EDIL3: variants seen among roughly 807,000 people sequenced by gnomAD.
EDIL3 encodes the protein EGF-like repeat and discoidin I-like domain-containing protein 3.
A neutral mutation model predicts 67.4 loss-of-function variants in EDIL3; 37 were observed. The ratio of observed to expected loss-of-function variants is 0.55; its 90% CI spans 0.42 to 0.72. The LOEUF is 0.72. Ranked by LOEUF, EDIL3 falls within the 30% of genes least tolerant of loss-of-function variation. The pLI is 0.00. For synonymous variants in EDIL3, 195 were observed against 196.3 expected, an observed-to-expected ratio of 0.99 and a Z score of 0.05; for missense variants, 527 against 586.3, an observed-to-expected ratio of 0.90 and a Z score of 1.04.
intron 1 of EDIL3, among the ~76,000 whole-genome samples, chr5:84,333,775 A>T (rs755505440): frequency 6.6e-6 from 1 of 152,184 alleles, no homozygotes; most frequent in African/African-American, 2.4e-5. Flanking sequence ...CTTTCTCCTA[A>T]AGCATATAAT....
intron 1 of EDIL3, among the ~76,000 whole-genome samples, chr5:84,309,830 G>C (rs1746349512): frequency 6.6e-6 from 1 of 152,188 alleles, no homozygotes; most frequent in Non-Finnish European, 1.5e-5. Context: ...ATAGCAGCAT[G>C]ATTTATAGTC....
chr5:84,029,774 A>C (rs541968849), intron 9 of EDIL3, among the ~76,000 whole-genome samples: 9 of 152,144 alleles, frequency 5.9e-5, no homozygotes, highest in Admixed American at 1.3e-4. Context: ...CTCACAGGGC[A>C]CTCTACTCAA....
At chr5:84,067,193 T>C (rs574872704) in intron 6 of EDIL3, among the ~76,000 whole-genome samples, 7 of 152,298 alleles carry the variant, frequency 4.6e-5, no homozygotes, top group Middle Eastern at 3.4e-3. Context: ...AAATGATTGC[T>C]TTTTTCTTCA....
At chr5:83,963,139 C>T in intron 10 of EDIL3, 66 bp downstream of exon 10, 1 of 1,502,226 alleles carries the variant, frequency 6.7e-7, no homozygotes, top group Non-Finnish European at 8.9e-7. Context: ...GCAGTTAATT[C>T]AATCAAACTT....
chr5:84,343,944 T>C (rs41509548), intron 1 of EDIL3, among the ~76,000 whole-genome samples: 65,044 of 151,934 alleles, frequency 0.43, 14,182 homozygotes, highest in Middle Eastern at 0.5. Context: ...GAGTTCCCAT[T>C]AGGATTTTGA....
At chr5:84,333,628 T>A (rs1369669349) in intron 1 of EDIL3, among the ~76,000 whole-genome samples, 1 of 152,150 alleles carries the variant, frequency 6.6e-6, no homozygotes, top group Non-Finnish European at 1.5e-5. Flanking sequence ...TTTGGAAGCA[T>A]ACACTTTTCA....
intron 9 of EDIL3, among the ~76,000 whole-genome samples, chr5:84,008,135 G>T (rs1478332702): frequency 6.6e-6 from 1 of 152,210 alleles, no homozygotes; most frequent in Non-Finnish European, 1.5e-5. Flanking sequence ...GGCTGGAAAG[G>T]GTAGTAGGGG....
At chr5:84,066,753 G>A (rs1412404619) in intron 6 of EDIL3, 147 bp from the exon 7 acceptor site, 2 of 1,048,400 alleles carry the variant, frequency 1.9e-6, no homozygotes, top group Admixed American at 3.4e-5. Context: ...GTTTACAATA[G>A]GCATATATTA....
intron 3 of EDIL3, among the ~76,000 whole-genome samples, chr5:84,217,449 A>G (rs1317486610): frequency 6.6e-6 from 1 of 152,142 alleles, no homozygotes; most frequent in East Asian, 1.9e-4. Context: ...CTGTGAACAT[A>G]TTTTGTCGAT....
At chr5:84,253,451 T>G (rs1745071632) in intron 2 of EDIL3, among the ~76,000 whole-genome samples, 2 of 152,210 alleles carry the variant, frequency 1.3e-5, no homozygotes, top group African/African-American at 4.8e-5. Flanking sequence ...GCTATTTCCT[T>G]AATGGGGACC....
chr5:84,156,186 G>T (rs779916397), intron 4 of EDIL3, among the ~76,000 whole-genome samples: 3 of 152,134 alleles, frequency 2.0e-5, no homozygotes, highest in Non-Finnish European at 4.4e-5. Context: ...TAGTCTTCTA[G>T]GTTTAGCCTT....
At chr5:84,020,058 C>T (rs1431694426) in intron 9 of EDIL3, among the ~76,000 whole-genome samples, 1 of 108,756 alleles carries the variant, frequency 9.2e-6, no homozygotes. Flanking sequence ...TGCATTAAGA[C>T]GTAGATTATC....
intron 1 of EDIL3, among the ~76,000 whole-genome samples, chr5:84,352,624 T>G (rs889928565): frequency 7.9e-5 from 12 of 151,864 alleles, no homozygotes; most frequent in African/African-American, 2.9e-4. Flanking sequence ...ATAATAGATA[T>G]TAGAGATTCC....
At chr5:84,245,150 A>C (rs1478357113) in intron 2 of EDIL3, among the ~76,000 whole-genome samples, 1 of 151,858 alleles carries the variant, frequency 6.6e-6, no homozygotes, top group Admixed American at 6.6e-5. Flanking sequence ...TAAACTCTTC[A>C]CTCTTCTTTA....
rs528363441 is a variant in EDIL3, at chr5:84,316,451, G to T, written c.68-62239C>A. On this transcript the variant is annotated intron_variant, in intron 1 of 10. Coordinates refer to ENST00000296591, the MANE Select transcript of EDIL3 (RefSeq NM_005711.5). ...CAAATGAAAAGCAAAAAAAGCGGGG[G>T]TTGCAATCCTAGTCTCTGATAAAAC... 5.3e-5 allele frequency among the ~76,000 whole-genome samples: 8 copies of T among 152,220 alleles called. No homozygotes were observed. In the East Asian group the frequency reaches 7.7e-4, roughly 15 times the overall value.
At chr5:84,113,919 G>A (rs1161872302) in intron 5 of EDIL3, among the ~76,000 whole-genome samples, 1 of 152,142 alleles carries the variant, frequency 6.6e-6, no homozygotes, top group East Asian at 1.9e-4. Context: ...TGATAATTGT[G>A]CTGAATGCAA....
intron 10 of EDIL3, among the ~76,000 whole-genome samples, chr5:83,949,502 A>T (rs1744369840): frequency 6.6e-6 from 1 of 151,878 alleles, no homozygotes; most frequent in South Asian, 2.1e-4. Flanking sequence ...CATATTAGAC[A>T]ATCACTTTAT....
intron 4 of EDIL3, among the ~76,000 whole-genome samples, chr5:84,141,952 G>GATCTATCTATCTATCTATCTATCTATCT (rs70975543): frequency 9.2e-6 from 1 of 108,368 alleles, no homozygotes; most frequent in Non-Finnish European, 1.8e-5. Context: ...TATATACATA[G>GATCTATCTATCTATCTATCTATCTATCT]ATCTATCTAT....
At chr5:84,197,330 A>T (rs554764634) in intron 3 of EDIL3, among the ~76,000 whole-genome samples, 1 of 152,148 alleles carries the variant, frequency 6.6e-6, no homozygotes, top group Admixed American at 6.6e-5. Context: ...TAGAGTAATT[A>T]ACCTCAAAGT....
Sources: allele counts gnomAD v4.1 joint callset (sites outside exome capture counted in the v4.1 genomes callset), GRCh38; gene constraint gnomAD v4.1.1; transcripts MANE v1.5; gene names NCBI Gene and HGNC (gene_info 2026-07-23, HGNC 2026-07-21).